The following ENTHD1 variants were observed in gnomAD, a reference collection of about 807,000 sequenced individuals.
The protein encoded by ENTHD1 is ENTH domain containing 1.
In ENTHD1, 23 loss-of-function variants were observed where a neutral mutation model predicts 39.1. The ratio of observed to expected loss-of-function variants is 0.59; its 90% confidence interval spans 0.42 to 0.83. ENTHD1 has a LOEUF of 0.83. Ranked by LOEUF, ENTHD1 falls within the 40% of genes least tolerant of loss-of-function variation. The pLI is 0.00. For missense variants in ENTHD1, 624 were observed against 705.4 expected, an observed-to-expected ratio of 0.88 and a Z score of 1.31; for synonymous variants, 230 against 258.2, an observed-to-expected ratio of 0.89 and a Z score of 1.05.
chr22:39,755,808 G>A (rs1422581642), intron 6 of ENTHD1, among the ~76,000 whole-genome samples: 2 of 152,030 alleles, frequency 1.3e-5, no homozygotes, highest in African/African-American at 2.4e-5. Flanking sequence ...TACACACTTC[G>A]CATTTGTAAA....
intron 2 of ENTHD1, among the ~76,000 whole-genome samples, chr22:39,884,657 G>C (rs915116254): frequency 6.6e-6 from 1 of 151,912 alleles, no homozygotes; most frequent in Non-Finnish European, 1.5e-5. Context: ...ACTAGCATAA[G>C]GCCTGACATA....
At chr22:39,883,043 T>C (rs1055213078) in intron 2 of ENTHD1, among the ~76,000 whole-genome samples, 1 of 129,618 alleles carries the variant, frequency 7.7e-6, no homozygotes, top group Non-Finnish European at 1.7e-5. Flanking sequence ...GAAAAGAAAA[T>C]ACACAAAGAG....
chr22:39,782,607 T>G (rs2065419451), intron 5 of ENTHD1, among the ~76,000 whole-genome samples: 1 of 152,306 alleles, frequency 6.6e-6, no homozygotes, highest in Non-Finnish European at 1.5e-5. Context: ...AAAAAGATCA[T>G]TCACCATGAT....
At chr22:39,859,873 A>G (rs1396905338) in intron 3 of ENTHD1, among the ~76,000 whole-genome samples, 1 of 152,268 alleles carries the variant, frequency 6.6e-6, no homozygotes, top group African/African-American at 2.4e-5. Flanking sequence ...TTTGTAAAAT[A>G]TACGTTATCT....
At chr22:39,780,933 A>G (rs531179038) in intron 5 of ENTHD1, among the ~76,000 whole-genome samples, 1 of 151,186 alleles carries the variant, frequency 6.6e-6, no homozygotes, top group South Asian at 2.1e-4. Flanking sequence ...CAGGAGGGGG[A>G]GCTTGCAGTG....
chr22:39,786,137 G>GA (rs1288143972), intron 5 of ENTHD1, among the ~76,000 whole-genome samples: 3 of 151,986 alleles, frequency 2.0e-5, no homozygotes, highest in African/African-American at 7.2e-5. Context: ...ATCTGTCACA[G>GA]AAAAAACCCA....
intron 5 of ENTHD1, among the ~76,000 whole-genome samples, chr22:39,809,365 T>C (rs1353232121): frequency 2.0e-5 from 3 of 152,134 alleles, no homozygotes; most frequent in African/African-American, 7.2e-5. Flanking sequence ...ATAAGTGCTA[T>C]AGAGTGAATG....
At chr22:39,838,542 G>C (rs1344162615) in intron 3 of ENTHD1, among the ~76,000 whole-genome samples, 1 of 152,170 alleles carries the variant, frequency 6.6e-6, no homozygotes, top group East Asian at 1.9e-4. Context: ...TAAAATAGAG[G>C]CAGGATTTCT....
At chr22:39,832,620 T>C (rs1007815505) in intron 4 of ENTHD1, among the ~76,000 whole-genome samples, 2 of 152,164 alleles carry the variant, frequency 1.3e-5, no homozygotes, top group Non-Finnish European at 2.9e-5. Context: ...GTAGATACTA[T>C]GTCTGAGAAG....
At chr22:39,834,917 A>G (rs975970466) in intron 4 of ENTHD1, among the ~76,000 whole-genome samples, 3 of 152,200 alleles carry the variant, frequency 2.0e-5, no homozygotes, top group Non-Finnish European at 4.4e-5. Flanking sequence ...CGTTATAGAC[A>G]TGACAAACAC....
At chr22:39,756,331 C>A (rs940442488) in intron 6 of ENTHD1, among the ~76,000 whole-genome samples, 2 of 151,754 alleles carry the variant, frequency 1.3e-5, no homozygotes, top group Non-Finnish European at 2.9e-5. Context: ...CACACACACA[C>A]ACACACACGC....
At chr22:39,868,350 T>TAAAA (rs535956120) in intron 2 of ENTHD1, among the ~76,000 whole-genome samples, 1 of 126,598 alleles carries the variant, frequency 7.9e-6, no homozygotes, top group African/African-American at 2.9e-5. Flanking sequence ...TTTATTTTAT[T>TAAAA]AAAAAAAAAA....
chr22:39,759,936 T>C (rs2065217703), intron 6 of ENTHD1, among the ~76,000 whole-genome samples: 1 of 152,066 alleles, frequency 6.6e-6, no homozygotes, highest in African/African-American at 2.4e-5. Context: ...GAGACCATAC[T>C]TTTTTAAGAT....
At chr22:39,889,500 A>G (rs2032630065) in intron 1 of ENTHD1, among the ~76,000 whole-genome samples, 1 of 152,232 alleles carries the variant, frequency 6.6e-6, no homozygotes, top group Non-Finnish European at 1.5e-5. Context: ...CCTGACGAAC[A>G]TCCAGACCCA....
chr22:39,859,701 A>T (rs1188681109), intron 3 of ENTHD1, among the ~76,000 whole-genome samples: 2 of 152,168 alleles, frequency 1.3e-5, no homozygotes, highest in African/African-American at 4.8e-5. Flanking sequence ...GTAACATCTA[A>T]GATCACTGAT....
chr22:39,840,842 C>A (rs2065938837), intron 3 of ENTHD1, among the ~76,000 whole-genome samples: 1 of 152,060 alleles, frequency 6.6e-6, no homozygotes, highest in Non-Finnish European at 1.5e-5. Flanking sequence ...GCAAGCTCCG[C>A]CTCCCAGGTT....
chr22:39,835,775 G>A (rs1439588874), intron 4 of ENTHD1, 65 bp downstream of exon 4: 1 of 1,164,140 alleles, frequency 8.6e-7, no homozygotes, highest in Non-Finnish European at 1.2e-6. Context: ...TAATAAATTT[G>A]TTTGTTTTAA....
chr22:39,790,052 A>G (rs1249313383), intron 5 of ENTHD1, among the ~76,000 whole-genome samples: 1 of 152,156 alleles, frequency 6.6e-6, no homozygotes, highest in East Asian at 1.9e-4. Flanking sequence ...AGGAACACCA[A>G]CAGGTCTAAG....
chr22:39,884,567 T>C (rs535135006), intron 2 of ENTHD1, among the ~76,000 whole-genome samples: 1 of 151,566 alleles, frequency 6.6e-6, no homozygotes, highest in South Asian at 2.1e-4. Context: ...AAAAAAAGCT[T>C]ATGAAAGAAC....
Sources: gnomAD v4.1 joint callset for allele counts (sites outside exome capture counted in the v4.1 genomes callset) on GRCh38, gnomAD v4.1.1 for gene constraint, MANE v1.5 for transcripts, NCBI Gene and HGNC (gene_info 2026-07-23, HGNC 2026-07-21) for gene names.